Variants in CALN1 observed in about 807,000 individuals in gnomAD.
CALN1 encodes calneuron 1, also known as calcium-binding protein 8.
A neutral mutation model predicts 30.6 loss-of-function variants in CALN1; 17 were observed. The observed-to-expected ratio is 0.56, with a 90% CI of 0.38 to 0.83. The LOEUF (loss-of-function observed/expected upper bound fraction) is 0.83, where lower values mean the gene tolerates loss of function less well. Among genes scored for constraint, CALN1 ranks in the 40% least tolerant of loss-of-function variants. The probability of loss-of-function intolerance (pLI) is 0.00; values close to 1 mark genes in which losing one functional copy is unlikely to be tolerated. For synonymous variants in CALN1, 156 were observed against 131.4 expected (o/e 1.19, Z -1.28); for missense variants, 291 against 354.9 (o/e 0.82, Z 1.45).
intron 3 of CALN1, among the ~76,000 whole-genome samples, chr7:72,218,131 C>T (rs577239574): frequency 3.2e-4 from 49 of 151,420 alleles, no homozygotes; most frequent in Non-Finnish European, 6.3e-4. Flanking sequence ...CGTGAGCCAC[C>T]CCGCTCCGCC....
At chr7:72,186,187 C>A (rs981886698) in intron 3 of CALN1, among the ~76,000 whole-genome samples, 1 of 152,092 alleles carries the variant, frequency 6.6e-6, no homozygotes, top group Non-Finnish European at 1.5e-5. Flanking sequence ...GGAATGCAGC[C>A]CTGCTGCCCC....
chr7:72,417,548 C>T (rs1327093751), intron 1 of CALN1, among the ~76,000 whole-genome samples: 1 of 152,242 alleles, frequency 6.6e-6, no homozygotes, highest in Non-Finnish European at 1.5e-5. Context: ...GCTTTACCAG[C>T]ACTGGTTCCT....
intron 3 of CALN1, among the ~76,000 whole-genome samples, chr7:72,278,174 G>A (rs1200736286): frequency 6.6e-6 from 1 of 152,080 alleles, no homozygotes; most frequent in African/African-American, 2.4e-5. Flanking sequence ...CAAAGAAACA[G>A]AGGCAATTAA....
intron 5 of CALN1, among the ~76,000 whole-genome samples, chr7:71,959,165 C>T (rs1797114030): frequency 6.6e-6 from 1 of 152,184 alleles, no homozygotes; most frequent in Non-Finnish European, 1.5e-5. Flanking sequence ...AGTGAAGCAC[C>T]TGTCATGGTA....
At chr7:72,267,610 C>T (rs1262369342) in intron 3 of CALN1, among the ~76,000 whole-genome samples, 3 of 152,204 alleles carry the variant, frequency 2.0e-5, no homozygotes, top group African/African-American at 4.8e-5. Flanking sequence ...GGCTGTGCAG[C>T]CAGGTGGCAG....
At position 71,981,849 on chromosome 7, in the gene CALN1, A is replaced by G. The variant is rs935643197; in HGVS notation, c.501+41808T>C. ...TGGTGTGGGAGGAAAACCCCTGCGC[A>G]TCTGGTCACAGAAGTCTTCCTCTGT... is the stretch of plus-strand genomic sequence containing the variant. On this transcript the variant is annotated intron_variant, in intron 5 of 6. Transcript: ENST00000395275. Among the ~76,000 whole-genome samples the G allele has an allele frequency of 2.6e-5, 4 of 152,094 alleles. No homozygotes were observed. In the East Asian group the frequency reaches 5.8e-4, roughly 22 times the overall value.
At chr7:72,178,115 G>T (rs1001455665) in intron 3 of CALN1, among the ~76,000 whole-genome samples, 15 of 152,142 alleles carry the variant, frequency 9.9e-5, no homozygotes, top group African/African-American at 3.4e-4. Context: ...AAAAATGGGG[G>T]AAAAAATTTG....
upstream of CALN1, among the ~76,000 whole-genome samples, chr7:72,412,699 A>T (rs528895347): frequency 7.7e-4 from 118 of 152,310 alleles, 2 homozygotes; most frequent in South Asian, 1.7e-3. Flanking sequence ...GCTTTGGGAA[A>T]AACAAACTGG....
intron 6 of CALN1, among the ~76,000 whole-genome samples, chr7:71,799,568 C>T (rs113088114): frequency 6.6e-5 from 10 of 152,064 alleles, no homozygotes; most frequent in East Asian, 1.9e-4. Flanking sequence ...TGGATTCAAG[C>T]GATTCTCCTG....
At chr7:72,377,577 G>A (rs1804646226) in intron 2 of CALN1, among the ~76,000 whole-genome samples, 1 of 151,986 alleles carries the variant, frequency 6.6e-6, no homozygotes, top group African/African-American at 2.4e-5. Flanking sequence ...GTTTGTTGTT[G>A]ATGCTTATTT....
At chr7:72,494,778 G>T in the CALN1 span, among the ~76,000 whole-genome samples, 1 of 152,088 alleles carries the variant, frequency 6.6e-6, no homozygotes, top group Non-Finnish European at 1.5e-5. Flanking sequence ...GAGGAGGAAA[G>T]ATCGCTGGAG....
intron 3 of CALN1, among the ~76,000 whole-genome samples, chr7:72,200,826 T>C (rs148660866): frequency 1.7e-4 from 26 of 152,352 alleles, no homozygotes; most frequent in African/African-American, 6.3e-4. Flanking sequence ...AGCTATATTA[T>C]ACACTGGGCT....
intron 1 of CALN1, chr7:72,446,914 G>A (rs1156765914): frequency 6.6e-6 from 1 of 152,378 alleles, no homozygotes; most frequent in Non-Finnish European, 1.5e-5. Context: ...CACAAGCTGG[G>A]AAATTGGAGA....
At chr7:72,434,803 CTT>C (rs1023407117) in intron 1 of CALN1, among the ~76,000 whole-genome samples, 1 of 152,216 alleles carries the variant, frequency 6.6e-6, no homozygotes, top group African/African-American at 2.4e-5. Flanking sequence ...GCAGGAAAAA[CTT>C]TTTTGCTGCA....
At chr7:71,883,289 A>T (rs959998188) in intron 5 of CALN1, among the ~76,000 whole-genome samples, 1 of 152,136 alleles carries the variant, frequency 6.6e-6, no homozygotes, top group African/African-American at 2.4e-5. Flanking sequence ...ATGAACAATT[A>T]TTCATTATTC....
At chr7:72,478,887 C>CTTTTTTTTTTTTT in the CALN1 span, among the ~76,000 whole-genome samples, 2,818 of 138,446 alleles carry the variant, frequency 0.02, 211 homozygotes, top group African/African-American at 0.078. Context: ...CGAACCACTT[C>CTTTTTTTTTTTTT]TTTTTTTTTT....
intron 2 of CALN1, among the ~76,000 whole-genome samples, chr7:72,335,580 A>C (rs565084936): frequency 6.6e-6 from 1 of 152,244 alleles, no homozygotes; most frequent in Non-Finnish European, 1.5e-5. Flanking sequence ...AGCCCAAAAA[A>C]GTCTCCTTTT....
chr7:72,159,759 C>T (rs1188462141), intron 3 of CALN1, among the ~76,000 whole-genome samples: 1 of 152,156 alleles, frequency 6.6e-6, no homozygotes, highest in Non-Finnish European at 1.5e-5. Flanking sequence ...GATCACGCCA[C>T]TGCACTCCAG....
chr7:71,796,406 C>T (rs773810249), intron 6 of CALN1, among the ~76,000 whole-genome samples: 49 of 146,842 alleles, frequency 3.3e-4, no homozygotes, highest in Non-Finnish European at 5.6e-4. Context: ...GTCGCCCGGG[C>T]TGGTGTGCAG....
Sources: gnomAD v4.1 joint callset for allele counts (sites outside exome capture counted in the v4.1 genomes callset) on GRCh38, gnomAD v4.1.1 for gene constraint, MANE v1.5 for transcripts, NCBI Gene and HGNC (gene_info 2026-07-23, HGNC 2026-07-21) for gene names.